The following FBXL13 variants were observed in gnomAD, a reference collection of about 807,000 sequenced individuals.
FBXL13 encodes the protein F-box and leucine rich repeat protein 13.
FBXL13 carries 67 observed loss-of-function variants against 83.6 expected under a neutral mutation model. The ratio of observed to expected loss-of-function variants is 0.80; its 90% CI spans 0.66 to 0.98. The LOEUF (loss-of-function observed/expected upper bound fraction) is 0.98, where lower values mean the gene tolerates loss of function less well. Ranked by LOEUF, FBXL13 falls within the 50% of genes least tolerant of loss-of-function variation. The probability of loss-of-function intolerance (pLI) is 0.00; values close to 1 mark genes in which losing one functional copy is unlikely to be tolerated. For synonymous variants in FBXL13, 272 were observed against 299.5 expected (o/e 0.91, Z 0.95); for missense variants, 822 against 866.5 (o/e 0.95, Z 0.64).
rs182941727 is a variant in FBXL13, at chr7:103,016,887, C to T, written c.495+8176G>A. Among the ~76,000 whole-genome samples the T allele has an allele frequency of 3.7e-3, 560 of 152,308 alleles. 4 individuals carry two copies. Among genetic ancestry groups the T allele is most frequent in the African/African-American group, 0.013 (553 of 41,568 alleles). On this transcript the variant is annotated intron_variant, in intron 6 of 19. Transcript: ENST00000313221. ...GGAGGCCTACCTGCCTCTGTAGACT[C>T]CACCTCTAGGGGCAGGGCATAGCCG...
intron 5 of FBXL13, 145 bp downstream of exon 6, chr7:103,027,303 AT>A: frequency 3.5e-6 from 2 of 570,140 alleles, no homozygotes; most frequent in Non-Finnish European, 5.9e-6. Flanking sequence ...TCCCAAAAAA[AT>A]AAAAATAAAA....
At chr7:103,003,344 G>A (rs561095448) in intron 6 of FBXL13, among the ~76,000 whole-genome samples, 1 of 137,474 alleles carries the variant, frequency 7.3e-6, no homozygotes, top group South Asian at 2.3e-4. Context: ...CTGGAGTGCA[G>A]TGGTGTGATC....
At chr7:102,938,854 C>G (rs1820834222) in intron 8 of FBXL13, among the ~76,000 whole-genome samples, 1 of 152,166 alleles carries the variant, frequency 6.6e-6, no homozygotes, top group African/African-American at 2.4e-5. Context: ...TTTTGCATTT[C>G]CTGGTATTAC....
At chr7:103,055,770 C>T (rs1413952435) in intron 1 of FBXL13, 23 bp from the exon 2 acceptor site, 1 of 1,066,018 alleles carries the variant, frequency 9.4e-7, no homozygotes, top group African/African-American at 1.7e-5. Flanking sequence ...AGGGAAATGG[C>T]ATCAATGTTT....
At chr7:102,839,677 C>A (rs1802591597) in intron 17 of FBXL13, among the ~76,000 whole-genome samples, 1 of 152,112 alleles carries the variant, frequency 6.6e-6, no homozygotes, top group Admixed American at 6.6e-5. Context: ...GAACTCCTGA[C>A]CTCAGGGATC....
At chr7:102,910,080 C>A (rs1159550077) in intron 11 of FBXL13, among the ~76,000 whole-genome samples, 1 of 152,150 alleles carries the variant, frequency 6.6e-6, no homozygotes, top group South Asian at 2.1e-4. Context: ...CTGGGACTGG[C>A]AATTCCCCTG....
chr7:103,037,941 G>A lies in FBXL13; in HGVS notation c.1-8523C>T, dbSNP rs140652948. On this transcript the variant is annotated intron_variant, in intron 2 of 19. Transcript: ENST00000313221. ...TGAGGTATCTGGTGCACCTCACTGG[G>A]ACTGGTTGGACAGTGGGTGCAGCCC... Among the ~76,000 whole-genome samples the A allele has an allele frequency of 4.7e-3, 711 of 152,142 alleles. 7 individuals are homozygous for A. Among genetic ancestry groups the A allele is most frequent in the African/African-American group, 0.016 (680 of 41,518 alleles).
At chr7:103,039,911 G>A (rs1318262603) in intron 2 of FBXL13, among the ~76,000 whole-genome samples, 7 of 151,976 alleles carry the variant, frequency 4.6e-5, no homozygotes, top group Admixed American at 4.6e-4. Flanking sequence ...TGAAGAAACT[G>A]CATCAATTAA....
chr7:102,884,295 GA>G lies in FBXL13; in HGVS notation c.1025del (p.Phe342SerfsTer22), dbSNP rs753424939. ...CAGTGCAGCTGTTTGCAATGTACCTGAAGCCTTGGACTGAAATCTGAATTGT... is the reference window on the plus strand; with the variant it reads ...CAGTGCAGCTGTTTGCAATGTACCTGAGCCTTGGACTGAAATCTGAATTGT... On this transcript the variant is annotated frameshift_variant, in exon 12 of 20. Coordinates refer to ENST00000313221, the Ensembl canonical transcript of FBXL13. LOFTEE classifies it high-confidence loss of function. 1 of 1,613,524 alleles carries G rather than the reference GA, an allele frequency of 6.2e-7. No individual in the cohort carries two copies. Among genetic ancestry groups the G allele is most frequent in the East Asian group, 2.2e-5 (1 of 44,818 alleles).
intron 6 of FBXL13, among the ~76,000 whole-genome samples, chr7:102,997,073 C>G (rs1789878213): frequency 6.6e-6 from 1 of 152,082 alleles, no homozygotes; most frequent in Admixed American, 6.5e-5. Context: ...TAAGATTTTC[C>G]AAAACCTTAT....
chr7:102,994,465 G>T (rs548763054), intron 6 of FBXL13, among the ~76,000 whole-genome samples: 2 of 152,046 alleles, frequency 1.3e-5, no homozygotes, highest in East Asian at 1.9e-4. Flanking sequence ...CTTAGCCAAG[G>T]ACACAGAAAA....
chr7:102,824,415 T>C (rs1347420369), intron 18 of FBXL13, among the ~76,000 whole-genome samples: 1 of 152,072 alleles, frequency 6.6e-6, no homozygotes, highest in Non-Finnish European at 1.5e-5. Flanking sequence ...TGTTCTGGAG[T>C]ATTTCTTGCT....
At chr7:102,977,042 G>A (rs548273914) in intron 6 of FBXL13, among the ~76,000 whole-genome samples, 50 of 152,186 alleles carry the variant, frequency 3.3e-4, no homozygotes, top group Middle Eastern at 3.4e-3. Context: ...CAACACCCAT[G>A]GAGTCCCTGT....
chr7:102,848,561 A>AG, intron 17 of FBXL13, among the ~76,000 whole-genome samples: 1 of 33,630 alleles, frequency 3.0e-5, no homozygotes, highest in Non-Finnish European at 4.7e-5. Context: ...GTCTCAAAAA[A>AG]AAAAAAAAAA....
At chr7:102,933,762 T>C (rs1819680376) in intron 8 of FBXL13, 2 of 689,086 alleles carry the variant, frequency 2.9e-6, no homozygotes, top group African/African-American at 1.8e-5. Flanking sequence ...TATATATTTT[T>C]TTCTCTTCCA....
chr7:102,989,881 G>A (rs924943444), intron 6 of FBXL13, among the ~76,000 whole-genome samples: 1 of 152,166 alleles, frequency 6.6e-6, no homozygotes, highest in Non-Finnish European at 1.5e-5. Flanking sequence ...TAAAATTGCT[G>A]TATATGTAGA....
rs1585080810 is a variant in FBXL13 at position 102,946,577 on chromosome 7, G to C, written c.725-14644C>G. ...TCTGTATTTATTTACAGGAAACAGA[G>C]AATGGGAAGCCAGAAGAACTGCCAG... On this transcript the variant is annotated intron_variant, in intron 8 of 19. Transcript: ENST00000313221. Among the ~76,000 whole-genome samples the C allele has an allele frequency of 2.0e-5, 3 of 152,192 alleles. No homozygotes were observed. The South Asian group carries it at 6.2e-4, about 32-fold the overall frequency.
At chr7:103,037,917 G>A (rs778243043) in intron 2 of FBXL13, among the ~76,000 whole-genome samples, 2 of 152,012 alleles carry the variant, frequency 1.3e-5, no homozygotes, top group Non-Finnish European at 2.9e-5. Flanking sequence ...ATTTCCAGCT[G>A]AGGTATCTGG....
intron 6 of FBXL13, chr7:102,988,092 G>A (rs570271853): frequency 6.6e-6 from 1 of 152,182 alleles, no homozygotes; most frequent in Non-Finnish European, 1.5e-5. Context: ...CAAACACCAT[G>A]ATACAAGAAG....
Sources: allele counts gnomAD v4.1 joint callset (sites outside exome capture counted in the v4.1 genomes callset), GRCh38; gene constraint gnomAD v4.1.1; transcripts MANE v1.5; gene names NCBI Gene and HGNC (gene_info 2026-07-23, HGNC 2026-07-21).